Variants in ATP6V0D1 observed in about 807,000 individuals in gnomAD.
ATP6V0D1 encodes the protein ATPase H+ transporting V0 subunit d1.
ATP6V0D1 carries 13 observed loss-of-function variants against 39.0 expected under a neutral mutation model. That is an observed-to-expected ratio of 0.33 (90% confidence interval 0.22 to 0.53). ATP6V0D1 has a LOEUF of 0.53. Among genes scored for constraint, ATP6V0D1 ranks in the 20% least tolerant of loss-of-function variants. The pLI is 0.94. For synonymous variants in ATP6V0D1, 191 were observed against 191.2 expected (o/e 1.00, Z 0.01); for missense variants, 272 against 470.9 (o/e 0.58, Z 3.91).
intron 2 of ATP6V0D1, chr16:67,446,026 T>C (rs1220198255): frequency 6.7e-6 from 3 of 449,740 alleles, no homozygotes; most frequent in African/African-American, 2.0e-5. Context: ...ACACGGGTCT[T>C]GTCCTAGCTT....
At chr16:67,443,331 G>A in intron 3 of ATP6V0D1, 153 bp from the exon 4 acceptor site, 2 of 656,498 alleles carry the variant, frequency 3.0e-6, no homozygotes, top group Non-Finnish European at 5.4e-6. Context: ...CTTGGAAGTG[G>A]CAGAAGCAAT....
chr16:67,465,584 T>G (rs1474607306), intron 1 of ATP6V0D1, among the ~76,000 whole-genome samples: 1 of 152,224 alleles, frequency 6.6e-6, no homozygotes, highest in Non-Finnish European at 1.5e-5. Flanking sequence ...CACACTGTGC[T>G]GTACCTGCAG....
chr16:67,474,426 C>A (rs775012715), intron 1 of ATP6V0D1, among the ~76,000 whole-genome samples: 13 of 152,236 alleles, frequency 8.5e-5, no homozygotes, highest in Non-Finnish European at 1.6e-4. Context: ...CGGTCACCTT[C>A]TAGCCTCACC....
chr16:67,465,985 C>T (rs1306048393), intron 1 of ATP6V0D1, among the ~76,000 whole-genome samples: 2 of 152,128 alleles, frequency 1.3e-5, no homozygotes, highest in African/African-American at 4.8e-5. Flanking sequence ...TCCTGGCGCA[C>T]CCCCTTGTGG....
At chr16:67,478,345 G>C (rs2041433595) in intron 1 of ATP6V0D1, among the ~76,000 whole-genome samples, 1 of 152,136 alleles carries the variant, frequency 6.6e-6, no homozygotes, top group Non-Finnish European at 1.5e-5. Flanking sequence ...AAGCGTGGTG[G>C]CTCACGCCTG....
chr16:67,472,624 T>C (rs1177033738), intron 1 of ATP6V0D1, among the ~76,000 whole-genome samples: 1 of 152,132 alleles, frequency 6.6e-6, no homozygotes, highest in African/African-American at 2.4e-5. Flanking sequence ...TCCCAGCACT[T>C]TGGGATGCCA....
intron 2 of ATP6V0D1, among the ~76,000 whole-genome samples, chr16:67,451,406 C>T (rs900474964): frequency 6.6e-6 from 1 of 152,102 alleles, no homozygotes; most frequent in African/African-American, 2.4e-5. Flanking sequence ...CCTAGTGTCC[C>T]GCTGAGTCTG....
At chr16:67,462,922 G>C (rs916363877) in intron 1 of ATP6V0D1, among the ~76,000 whole-genome samples, 4 of 152,132 alleles carry the variant, frequency 2.6e-5, no homozygotes, top group African/African-American at 9.7e-5. Context: ...TTGATGCTGG[G>C]CTCCTGTTCC....
In ATP6V0D1 at chr16:67,444,839, A is replaced by G. The variant is rs2041096568; in HGVS notation, c.303-133T>C. ...GTATGCTGACTCATGGGTGCTGCGG[A>G]TAAGCACCAGTGTCTCCTCTCCCTC... On this transcript the variant is annotated intron_variant, in intron 2 of 7. Transcript: ENST00000290949. This position sits in a 1 kb window ranked among gnomAD's most constrained non-coding sequence, Gnocchi z 4.8. 1.2e-6 allele frequency: 1 copy of G among 803,116 alleles called. No individual in the cohort carries two copies. Among genetic ancestry groups the G allele is most frequent in the Non-Finnish European group, 1.9e-6 (1 of 536,286 alleles). 49.7% of individuals were successfully genotyped at this position (803,116 alleles called of 1,614,324 possible).
rs1463538390 is a variant in ATP6V0D1, at chr16:67,444,843, G to T, written c.303-137C>A. On this transcript the variant is annotated intron_variant, in intron 2 of 7. Transcript: ENST00000290949. The surrounding 1 kb of genome is among the most constrained non-coding windows in gnomAD (Gnocchi z 4.8). ...GCTGACTCATGGGTGCTGCGGATAA[G>T]CACCAGTGTCTCCTCTCCCTCCCCA... is the stretch of plus-strand genomic sequence containing the variant. The T allele has an allele frequency of 1.3e-6, 1 of 775,584 alleles. No individual in the cohort carries two copies. The highest frequency in any genetic ancestry group is 3.0e-5 in the East Asian group (1 of 33,366). The allele number at this position is 775,584 out of a possible 1,614,324, so 48.0% of individuals were successfully genotyped here.
At chr16:67,478,322 T>A (rs2041433187) in intron 1 of ATP6V0D1, among the ~76,000 whole-genome samples, 2 of 152,060 alleles carry the variant, frequency 1.3e-5, no homozygotes, top group African/African-American at 4.8e-5. Context: ...GATAGAAATG[T>A]GTGTGAATGG....
At chr16:67,460,686 A>G (rs1443199873) in intron 1 of ATP6V0D1, among the ~76,000 whole-genome samples, 1 of 151,758 alleles carries the variant, frequency 6.6e-6, no homozygotes, top group African/African-American at 2.4e-5. Context: ...GCCATCTGCC[A>G]TTCCCCATCC....
At chr16:67,459,590 T>A (rs1291551661) in intron 1 of ATP6V0D1, among the ~76,000 whole-genome samples, 1 of 152,250 alleles carries the variant, frequency 6.6e-6, no homozygotes, top group East Asian at 1.9e-4. Context: ...TGACAAAGTA[T>A]GGGCTTGGCA....
intron 1 of ATP6V0D1, among the ~76,000 whole-genome samples, chr16:67,461,696 T>C (rs1182233250): frequency 6.6e-6 from 1 of 152,146 alleles, no homozygotes; most frequent in African/African-American, 2.4e-5. Flanking sequence ...TGCTAGAGGT[T>C]TTTCAGTGAG....
intron 1 of ATP6V0D1, among the ~76,000 whole-genome samples, chr16:67,471,091 A>C (rs974484375): frequency 2.6e-5 from 4 of 152,246 alleles, no homozygotes; most frequent in African/African-American, 9.6e-5. Flanking sequence ...ACAATTGCAC[A>C]TATTTATAGG....
chr16:67,472,064 C>T (rs376692571), intron 1 of ATP6V0D1, among the ~76,000 whole-genome samples: 81 of 152,282 alleles, frequency 5.3e-4, no homozygotes, highest in African/African-American at 1.8e-3. Context: ...AACCTCCCCC[C>T]TGCCTAGCCC....
intron 1 of ATP6V0D1, among the ~76,000 whole-genome samples, chr16:67,468,867 A>C (rs1480204179): frequency 6.6e-6 from 1 of 152,144 alleles, no homozygotes; most frequent in African/African-American, 2.4e-5. Flanking sequence ...AGGCCCAAGA[A>C]ATCGCTGAGT....
At chr16:67,470,739 C>T (rs962105003) in intron 1 of ATP6V0D1, among the ~76,000 whole-genome samples, 2 of 152,190 alleles carry the variant, frequency 1.3e-5, no homozygotes, top group African/African-American at 4.8e-5. Flanking sequence ...TCCCACCCCC[C>T]AATCTGCACC....
intron 2 of ATP6V0D1, among the ~76,000 whole-genome samples, chr16:67,449,537 GAC>G (rs958803799): frequency 3.9e-5 from 6 of 152,242 alleles, no homozygotes; most frequent in Non-Finnish European, 8.8e-5. Flanking sequence ...AGCACATGAC[GAC>G]AGTCTACTTC....
Sources: allele counts gnomAD v4.1 joint callset (sites outside exome capture counted in the v4.1 genomes callset), GRCh38; gene constraint gnomAD v4.1.1; non-coding constraint Gnocchi (gnomAD v3.1); transcripts MANE v1.5; gene names NCBI Gene and HGNC (gene_info 2026-07-23, HGNC 2026-07-21).